SOX5: variants seen among roughly 807,000 people sequenced by gnomAD.
The protein encoded by SOX5 is transcription factor SOX-5.
In SOX5, 9 loss-of-function variants were observed where a neutral mutation model predicts 92.0. That is an observed-to-expected ratio of 0.10 (90% CI 0.06 to 0.17). SOX5 has a LOEUF of 0.17. Among genes scored for constraint, SOX5 ranks in the 10% least tolerant of loss-of-function variants. The probability of loss-of-function intolerance (pLI) is 1.00; values close to 1 mark genes in which losing one functional copy is unlikely to be tolerated. For synonymous variants in SOX5, 344 were observed against 336.3 expected (o/e 1.02, Z -0.25); for missense variants, 642 against 944.5 (o/e 0.68, Z 4.20).
intron 1 of SOX5, among the ~76,000 whole-genome samples, chr12:24,471,008 A>G (rs1944765715): frequency 6.6e-6 from 1 of 152,190 alleles, no homozygotes; most frequent in Non-Finnish European, 1.5e-5. Flanking sequence ...TACCATTCAC[A>G]AATAAGATAA....
chr12:24,390,938 G>T (rs1436543622), intron 1 of SOX5, among the ~76,000 whole-genome samples: 2 of 152,084 alleles, frequency 1.3e-5, no homozygotes, highest in Non-Finnish European at 2.9e-5. Flanking sequence ...CCTTTGGACA[G>T]ACATCTAGTA....
At chr12:23,719,807 A>AC (rs1555289244) in intron 6 of SOX5, among the ~76,000 whole-genome samples, 1 of 140,652 alleles carries the variant, frequency 7.1e-6, no homozygotes, top group African/African-American at 2.6e-5. Context: ...AAAAAAAAAA[A>AC]AAAACTGATG....
At chr12:24,124,249 C>T (rs1401530077) in intron 4 of SOX5, among the ~76,000 whole-genome samples, 1 of 152,130 alleles carries the variant, frequency 6.6e-6, no homozygotes, top group East Asian at 1.9e-4. Context: ...TTGGTTGATG[C>T]AGATTTTAAT....
intron 2 of SOX5, among the ~76,000 whole-genome samples, chr12:24,358,710 G>GGATT (rs1220698762): frequency 6.6e-6 from 1 of 152,010 alleles, no homozygotes; most frequent in African/African-American, 2.4e-5. Flanking sequence ...ACTACAGCAA[G>GGATT]GATTACAAAG....
In SOX5 at chr12:23,563,298, A is replaced by G. The variant is rs781407501; in HGVS notation, c.1448T>C (p.Val483Ala). ...GTTATTGAGACCCAGACTATTCACA[A>G]CAGCCACCTTCCCATCAAGCACCTG... ...EQQVLDGKVAVVNSLGLNNCR... is the reference protein window; with the variant it reads ...EQQVLDGKVAAVNSLGLNNCR... Residue 483 changes from valine to alanine, a missense_variant, in exon 11 of 15, where the codon GTT (valine) becomes GCT (alanine). Transcript: ENST00000451604. The G allele has an allele frequency of 5.6e-6, 9 of 1,614,048 alleles. No individual in the cohort carries two copies. The highest frequency in any genetic ancestry group is 6.8e-6 in the Non-Finnish European group (8 of 1,179,926).
intron 1 of SOX5, among the ~76,000 whole-genome samples, chr12:24,505,758 C>T (rs1948653855): frequency 6.6e-6 from 1 of 152,170 alleles, no homozygotes; most frequent in Admixed American, 6.5e-5. Context: ...AAATCACTCT[C>T]CTAACAGCAT....
At position 23,864,528 on chromosome 12, in the gene SOX5, C is replaced by T. The variant is rs151130428; in HGVS notation, c.271-18335G>A. ...TCTCGAAGGAAATAAAAGTAATACT[C>T]CACTCAACACACAAATGATAAGAAA... On this transcript the variant is annotated intron_variant, in intron 2 of 14. Transcript: ENST00000451604. 3.3e-4 allele frequency among the ~76,000 whole-genome samples: 51 copies of T among 152,240 alleles called. 2 individuals carry two copies. In the East Asian group the frequency reaches 9.1e-3, roughly 27 times the overall value.
In SOX5 at chr12:23,542,961, T is replaced by A. The variant is rs184684598; in HGVS notation, c.1771+250A>T. Among the ~76,000 whole-genome samples the A allele has an allele frequency of 3.7e-4, 56 of 152,302 alleles. No homozygotes were observed. The East Asian group carries it at 5.4e-3, about 15-fold the overall frequency. On this transcript the variant is annotated intron_variant, in intron 13 of 14. Transcript: ENST00000451604. ...TTTAGTAAAAATATTTCTAGATTTT[T>A]GAAGAAGATAAAGCATTAAAATAAT...
In SOX5 at chr12:24,186,604, T is replaced by C. The variant is rs149926022; in HGVS notation, c.-2+26739A>G. The stretch of plus-strand genomic sequence containing the variant: ...AACAAGGGATTGGATGCATTAACTC[T>C]GGTACATATAGAAGATACTGTGATA... On this transcript the variant is annotated intron_variant, in intron 4 of 4. Coordinates refer to the SOX5 transcript ENST00000446891. Among the ~76,000 whole-genome samples the C allele has an allele frequency of 4.1e-3, 627 of 152,272 alleles. 1 individual carries two copies. Among genetic ancestry groups the C allele is most frequent in the Non-Finnish European group, 7.1e-3 (480 of 68,006 alleles).
intron 4 of SOX5, among the ~76,000 whole-genome samples, chr12:24,000,447 T>C (rs1951488532): frequency 6.6e-6 from 1 of 151,940 alleles, no homozygotes. Context: ...TGAAGAAAAG[T>C]CTCTATATTT....
At chr12:24,277,184 CAA>C (rs1258606762) in intron 3 of SOX5, 1 of 151,632 alleles carries the variant, frequency 6.6e-6, no homozygotes, top group Non-Finnish European at 1.5e-5. Flanking sequence ...ATCAATTTTT[CAA>C]AAGTGTTATT....
chr12:23,570,910 CAAAAAAAAAAAAA>C (rs148593886), intron 10 of SOX5, among the ~76,000 whole-genome samples: 1 of 8,158 alleles, frequency 1.2e-4, no homozygotes, highest in African/African-American at 3.5e-4. Flanking sequence ...GACTCCAACT[CAAAAAAAAAAAAA>C]AAAAAAAATA....
At chr12:24,140,594 G>A (rs1950500216) in intron 4 of SOX5, among the ~76,000 whole-genome samples, 2 of 152,078 alleles carry the variant, frequency 1.3e-5, no homozygotes, top group Non-Finnish European at 2.9e-5. Context: ...GATTTACAAG[G>A]AAGTCAATGG....
chr12:24,456,487 T>G (rs981646118), intron 1 of SOX5, among the ~76,000 whole-genome samples: 4 of 152,154 alleles, frequency 2.6e-5, no homozygotes, highest in African/African-American at 7.2e-5. Context: ...ATCAGGGTGG[T>G]TGAGGTGGAA....
rs1939295785 is a variant in SOX5 at position 23,532,434 on chromosome 12, G to A, written c.*1785C>T. On this transcript the variant is annotated 3_prime_UTR_variant, in exon 15 of 15. Transcript: ENST00000451604. ...TAGTTGCAGTATTTACTATCTATCT[G>A]ATACTTCAATACAAATAATGGCAAT... 1 of 151,296 alleles carries A rather than the reference G, an allele frequency of 6.6e-6. No individual in the cohort carries two copies. The highest frequency in any genetic ancestry group is 6.6e-5 in the Admixed American group (1 of 15,170). The allele number at this position is 151,296 out of a possible 1,614,324, so 9.4% of individuals were successfully genotyped here.
intron 3 of SOX5, among the ~76,000 whole-genome samples, chr12:23,780,975 T>C (rs2095266818): frequency 6.6e-6 from 1 of 152,046 alleles, no homozygotes. Context: ...GGGAAGATTC[T>C]AGAGGTATGC....
At chr12:23,859,120 A>G (rs548022938) in intron 2 of SOX5, among the ~76,000 whole-genome samples, 7 of 152,344 alleles carry the variant, frequency 4.6e-5, no homozygotes, top group Admixed American at 4.6e-4. Context: ...ACCCTGAAAA[A>G]GAACAGAATA....
At chr12:24,553,413 T>G (rs1214595653) in intron 1 of SOX5, among the ~76,000 whole-genome samples, 1 of 152,124 alleles carries the variant, frequency 6.6e-6, no homozygotes, top group Non-Finnish European at 1.5e-5. Context: ...CAGTAAACAC[T>G]CAAGAGCTGT....
chr12:23,947,479 C>G (rs559413249), intron 1 of SOX5, among the ~76,000 whole-genome samples: 2 of 151,562 alleles, frequency 1.3e-5, no homozygotes, highest in Non-Finnish European at 3.0e-5. Context: ...AGACACTCAC[C>G]CGTACAAATT....
Sources: gnomAD v4.1 joint callset for allele counts (sites outside exome capture counted in the v4.1 genomes callset) on GRCh38, gnomAD v4.1.1 for gene constraint, MANE v1.5 for transcripts, NCBI Gene and HGNC (gene_info 2026-07-23, HGNC 2026-07-21) for gene names.